KCNN2: variants seen among roughly 807,000 people sequenced by gnomAD.
KCNN2 encodes the protein potassium calcium-activated channel subfamily N member 2.
A neutral mutation model predicts 55.5 loss-of-function variants in KCNN2; 24 were observed. The ratio of observed to expected loss-of-function variants is 0.43; its 90% CI spans 0.31 to 0.61. KCNN2 has a LOEUF of 0.61. KCNN2 is among the 20% of genes least tolerant of loss of function. The probability of loss-of-function intolerance (pLI) is 0.08; values close to 1 mark genes in which losing one functional copy is unlikely to be tolerated. For missense variants in KCNN2, 754 were observed against 853.6 expected (o/e 0.88, Z 1.45); for synonymous variants, 431 against 336.1 (o/e 1.28, Z -3.09).
chr5:114,220,963 T>C (rs1234423197), intron 1 of KCNN2, among the ~76,000 whole-genome samples: 1 of 152,222 alleles, frequency 6.6e-6, no homozygotes, highest in African/African-American at 2.4e-5. Flanking sequence ...GAAGAATTAA[T>C]GAGAATTTCT....
chr5:114,468,403 A>G (rs559306712), intron 4 of KCNN2, among the ~76,000 whole-genome samples: 66 of 152,296 alleles, frequency 4.3e-4, no homozygotes, highest in Non-Finnish European at 6.6e-4. Flanking sequence ...AAAACAGGCA[A>G]TGTGTTCAAG....
chr5:114,464,150 T>C (rs1761336628), intron 4 of KCNN2, among the ~76,000 whole-genome samples: 1 of 152,278 alleles, frequency 6.6e-6, no homozygotes, highest in South Asian at 2.1e-4. Context: ...CCAGGACCAC[T>C]TTTTTGCTCC....
intron 2 of KCNN2, among the ~76,000 whole-genome samples, chr5:114,352,792 A>G (rs1757232130): frequency 6.6e-6 from 1 of 151,968 alleles, no homozygotes; most frequent in Admixed American, 6.6e-5. Flanking sequence ...ACAAGCATAG[A>G]TTACATAATG....
chr5:114,073,830 C>G (rs1284097989), intron 1 of KCNN2, among the ~76,000 whole-genome samples: 1 of 152,140 alleles, frequency 6.6e-6, no homozygotes, highest in Non-Finnish European at 1.5e-5. Context: ...CAGAAGAGAA[C>G]AATATTGAAT....
At chr5:114,458,812 C>G (rs1385083226) in intron 3 of KCNN2, among the ~76,000 whole-genome samples, 2 of 152,162 alleles carry the variant, frequency 1.3e-5, no homozygotes, top group Non-Finnish European at 2.9e-5. Flanking sequence ...AGGGGACCCA[C>G]AAACAGATCC....
intron 3 of KCNN2, among the ~76,000 whole-genome samples, chr5:114,431,686 A>G (rs1489003476): frequency 1.3e-5 from 2 of 151,850 alleles, no homozygotes; most frequent in African/African-American, 4.8e-5. Context: ...TGATTTTAAA[A>G]CTTCCTTCTT....
In KCNN2 at chr5:114,368,815, A is replaced by G. The variant is rs555640166; in HGVS notation, c.1218+4814A>G. Among the ~76,000 whole-genome samples the G allele has an allele frequency of 4.1e-4, 63 of 152,000 alleles. 1 individual carries two copies. In the South Asian group the frequency reaches 0.013, roughly 31 times the overall value. On this transcript the variant is annotated intron_variant, in intron 2 of 7. Transcript: ENST00000673685. ...TTAGGAATACACCCATACCTTGCTTATATTCTGTATTATATCTTGGAGGTT... is the reference window on the plus strand; with the variant it reads ...TTAGGAATACACCCATACCTTGCTTGTATTCTGTATTATATCTTGGAGGTT...
chr5:114,118,418 G>A (rs1199474456), intron 1 of KCNN2, among the ~76,000 whole-genome samples: 1 of 152,074 alleles, frequency 6.6e-6, no homozygotes, highest in African/African-American at 2.4e-5. Context: ...TTGGAGACCC[G>A]GGAAAGCCAG....
At chr5:114,110,231 G>T (rs1182021153) in intron 1 of KCNN2, among the ~76,000 whole-genome samples, 1 of 151,990 alleles carries the variant, frequency 6.6e-6, no homozygotes, top group African/African-American at 2.4e-5. Context: ...ATTAAGACAG[G>T]TAACAAGCCA....
chr5:114,423,659 C>T (rs1217502236), intron 3 of KCNN2, among the ~76,000 whole-genome samples: 1 of 152,244 alleles, frequency 6.6e-6, no homozygotes, highest in Non-Finnish European at 1.5e-5. Context: ...AAAAAAATGG[C>T]ATAGTGTTTG....
In KCNN2 at chr5:114,404,654, T is replaced by C; in HGVS notation, c.1435T>C (p.Tyr479His). The C allele has an allele frequency of 6.2e-7, 1 of 1,613,984 alleles. No individual in the cohort carries two copies. Among genetic ancestry groups the C allele is most frequent in the Non-Finnish European group, 8.5e-7 (1 of 1,179,856 alleles). The part of the protein sequence containing the change: ...ILSIPMFLRL[Y>H]LIARVMLLHS... ...ATCTATACCAATGTTCTTAAGACTCTATCTGATTGCCAGAGTCATGCTTTT... is the reference window on the plus strand; with the variant it reads ...ATCTATACCAATGTTCTTAAGACTCCATCTGATTGCCAGAGTCATGCTTTT... Residue 479 changes from tyrosine (Y) to histidine (H), a missense_variant, in exon 3 of 8, where the codon TAT becomes CAT. Physicochemically the swap from Tyr to His is moderately conservative, Grantham distance 83. Transcript: ENST00000673685.
At chr5:114,410,934 T>C (rs1228282734) in intron 3 of KCNN2, among the ~76,000 whole-genome samples, 2 of 152,230 alleles carry the variant, frequency 1.3e-5, no homozygotes, top group Non-Finnish European at 2.9e-5. Context: ...TAATTTGCTC[T>C]TTTTGAAAGC....
At chr5:114,238,362 A>C (rs926667418) in intron 2 of KCNN2, among the ~76,000 whole-genome samples, 1 of 152,126 alleles carries the variant, frequency 6.6e-6, no homozygotes, top group Non-Finnish European at 1.5e-5. Flanking sequence ...GCAGTGGCTC[A>C]CGCCTGTAAT....
At chr5:114,175,150 A>G (rs1010973474) in intron 1 of KCNN2, among the ~76,000 whole-genome samples, 2 of 152,202 alleles carry the variant, frequency 1.3e-5, no homozygotes, top group Non-Finnish European at 2.9e-5. Flanking sequence ...AAAAGATTAG[A>G]ATGATTAATA....
chr5:114,487,856 G>T (rs1747649894), intron 6 of KCNN2, among the ~76,000 whole-genome samples: 1 of 152,294 alleles, frequency 6.6e-6, no homozygotes, highest in African/African-American at 2.4e-5. Context: ...ATGCCATGCA[G>T]ACTTGCTCTT....
At chr5:114,493,520 C>T in intron 7 of KCNN2, 48 bp downstream of exon 7, 3 of 1,229,572 alleles carry the variant, frequency 2.4e-6, no homozygotes, top group Middle Eastern at 1.9e-4. Flanking sequence ...TTGAAATCAA[C>T]CACTTCACAG....
intron 2 of KCNN2, among the ~76,000 whole-genome samples, chr5:114,346,524 C>G (rs2150038546): frequency 6.6e-6 from 1 of 151,956 alleles, no homozygotes; most frequent in African/African-American, 2.4e-5. Context: ...GAAAGAGTAA[C>G]AAGGAAAATA....
intron 3 of KCNN2, among the ~76,000 whole-genome samples, chr5:114,449,879 T>TACACACACACACACACACACAC (rs745574908): frequency 6.4e-5 from 6 of 93,360 alleles, no homozygotes; most frequent in African/African-American, 1.7e-4. Flanking sequence ...CATCCAAACA[T>TACACACACACACACACACACAC]ACACACACAC....
intron 3 of KCNN2, among the ~76,000 whole-genome samples, chr5:114,452,534 A>T (rs1389512724): frequency 6.6e-6 from 1 of 152,240 alleles, no homozygotes; most frequent in Non-Finnish European, 1.5e-5. Flanking sequence ...TTACATGTAG[A>T]TGTTCACCAT....
Sources: allele counts gnomAD v4.1 joint callset (sites outside exome capture counted in the v4.1 genomes callset), GRCh38; gene constraint gnomAD v4.1.1; transcripts MANE v1.5; gene names NCBI Gene and HGNC (gene_info 2026-07-23, HGNC 2026-07-21).